CSMD3: variants seen among roughly 807,000 people sequenced by gnomAD.
CSMD3 encodes CUB and Sushi multiple domains 3, also known as CUB and sushi domain-containing protein 3.
A neutral mutation model predicts 435.2 loss-of-function variants in CSMD3; 177 were observed. The ratio of observed to expected loss-of-function variants is 0.41; its 90% confidence interval spans 0.36 to 0.46. The LOEUF (loss-of-function observed/expected upper bound fraction) is 0.46, where lower values mean the gene tolerates loss of function less well. CSMD3 is among the 20% of genes least tolerant of loss of function. The probability of loss-of-function intolerance (pLI) is 0.34; values close to 1 mark genes in which losing one functional copy is unlikely to be tolerated. For missense variants in CSMD3, 4,265 were observed against 4,504.6 expected (o/e 0.95, Z 1.52); for synonymous variants, 1,656 against 1,520.5 (o/e 1.09, Z -2.07).
chr8:112,307,503 A>T (rs541603169), intron 50 of CSMD3, among the ~76,000 whole-genome samples: 1 of 152,048 alleles, frequency 6.6e-6, no homozygotes, highest in East Asian at 1.9e-4. Context: ...GGCTGGTCTC[A>T]AACTCCTAGG....
chr8:112,917,071 A>T (rs544830025), intron 10 of CSMD3, among the ~76,000 whole-genome samples: 1 of 152,058 alleles, frequency 6.6e-6, no homozygotes, highest in East Asian at 1.9e-4. Flanking sequence ...AAAGGAATTG[A>T]ACCTCATTTA....
intron 3 of CSMD3, among the ~76,000 whole-genome samples, chr8:113,254,702 G>C (rs1336518427): frequency 6.6e-6 from 1 of 152,100 alleles, no homozygotes; most frequent in Non-Finnish European, 1.5e-5. Flanking sequence ...AGTTGTATAT[G>C]CCTAAAATGG....
intron 30 of CSMD3, among the ~76,000 whole-genome samples, chr8:112,494,296 T>G (rs1820995932): frequency 7.0e-6 from 1 of 142,322 alleles, no homozygotes; most frequent in Non-Finnish European, 1.5e-5. Flanking sequence ...TCTCTCACTT[T>G]CTTTCTTTCT....
At chr8:112,932,152 T>C (rs976599401) in intron 9 of CSMD3, among the ~76,000 whole-genome samples, 1 of 152,206 alleles carries the variant, frequency 6.6e-6, no homozygotes, top group Non-Finnish European at 1.5e-5. Flanking sequence ...CCCATGTTTA[T>C]TGCAACACTA....
rs1564168958 is a variant in CSMD3, at chr8:112,976,056, C to T, written c.1123G>A (p.Ala375Thr). The change falls in exon 7 of 71, where the codon GCA becomes ACA. Residue 375 changes from alanine to threonine, a missense_variant. Physicochemically the swap from Ala to Thr is moderately conservative, Grantham distance 58. Transcript: ENST00000297405. ...TGAIAVASTPADVTVSSVTAV... is the reference protein window; with the variant it reads ...TGAIAVASTPTDVTVSSVTAV... The stretch of plus-strand genomic sequence containing the variant: ...GTAACACTGGATACAGTAACATCTG[C>T]AGGTGTGCTAGCAACAGCAATAGCA... The T allele has an allele frequency of 6.2e-7, 1 of 1,614,038 alleles. No individual in the cohort carries two copies. The highest frequency in any genetic ancestry group is 2.2e-5 in the East Asian group (1 of 44,870).
intron 17 of CSMD3, among the ~76,000 whole-genome samples, chr8:112,662,435 T>G (rs1176365474): frequency 6.6e-6 from 1 of 152,082 alleles, no homozygotes; most frequent in Non-Finnish European, 1.5e-5. Context: ...GGATTCCCTA[T>G]TTAATAAATG....
intron 4 of CSMD3, among the ~76,000 whole-genome samples, chr8:113,131,955 A>C (rs1307705560): frequency 1.3e-5 from 2 of 152,144 alleles, no homozygotes; most frequent in South Asian, 2.1e-4. Flanking sequence ...TTGCCTCAGC[A>C]TGCCCTGGAT....
chr8:112,846,515 A>T (rs1169333713), intron 11 of CSMD3, among the ~76,000 whole-genome samples: 1 of 151,494 alleles, frequency 6.6e-6, no homozygotes, highest in East Asian at 1.9e-4. Context: ...TGATCCTTCC[A>T]CCCCAGCCTC....
intron 1 of CSMD3, among the ~76,000 whole-genome samples, chr8:113,322,635 A>G (rs2093956835): frequency 6.6e-6 from 1 of 152,206 alleles, no homozygotes; most frequent in Non-Finnish European, 1.5e-5. Flanking sequence ...AACTGCTAAA[A>G]TTTTGATTGG....
At position 112,506,826 on chromosome 8, in the gene CSMD3, G is replaced by C. The variant is rs1316312638; in HGVS notation, c.4760C>G (p.Pro1587Arg). Residue 1587 changes from proline to arginine, a missense_variant, in exon 29 of 71, where the codon CCC (proline) becomes CGC (arginine). Transcript: ENST00000297405. ...AGATCCTGTTAAATTGCCTCCACAG[G>C]GTGCTTTAATTTAAACAAACAAATA... is the stretch of plus-strand genomic sequence containing the variant. ...WQPSPPVCIA[P>R]CGGNLTGSSG... The C allele has an allele frequency of 1.2e-6, 2 of 1,611,854 alleles. No homozygotes were observed. The highest frequency in any genetic ancestry group is 1.1e-5 in the South Asian group (1 of 90,992).
intron 52 of CSMD3, among the ~76,000 whole-genome samples, chr8:112,303,431 G>A (rs1420137731): frequency 5.9e-5 from 9 of 151,976 alleles, no homozygotes; most frequent in African/African-American, 2.2e-4. Flanking sequence ...GTGGTGGCAG[G>A]CACCTGCAAT....
intron 17 of CSMD3, 34 bp downstream of exon 17, chr8:112,666,242 AT>A: frequency 6.7e-7 from 1 of 1,495,248 alleles, no homozygotes; most frequent in Non-Finnish European, 9.3e-7. Flanking sequence ...TTTAGATAAT[AT>A]TTTCTTTAAA....
At chr8:112,444,910 A>C (rs1437374270) in intron 32 of CSMD3, among the ~76,000 whole-genome samples, 1 of 152,142 alleles carries the variant, frequency 6.6e-6, no homozygotes, top group Non-Finnish European at 1.5e-5. Context: ...AGAAGCTTAA[A>C]ATAGTAAGAT....
Position 112,810,406 on chromosome 8 carries a change from A to T in CSMD3, c.1860-10132T>A, listed in dbSNP as rs559725608. Among the ~76,000 whole-genome samples, 7 of 152,194 alleles carry T rather than the reference A, an allele frequency of 4.6e-5. No homozygotes were observed. The East Asian group carries it at 1.2e-3, about 25-fold the overall frequency. On this transcript the variant is annotated intron_variant, in intron 12 of 70. Coordinates refer to ENST00000297405, the MANE Select transcript of CSMD3 (RefSeq NM_198123.2). ...CAGACAAATCTGACGTTTATAGGTA[A>T]GACTGCAAATGATAAGTCTAATATA...
chr8:113,291,821 A>G (rs77691005), intron 2 of CSMD3, among the ~76,000 whole-genome samples: 287 of 152,084 alleles, frequency 1.9e-3, no homozygotes, highest in South Asian at 9.7e-3. Flanking sequence ...AAACTAAAGG[A>G]AGTAAAATAA....
intron 7 of CSMD3, among the ~76,000 whole-genome samples, chr8:112,975,005 TC>T (rs2084793599): frequency 6.6e-6 from 1 of 151,936 alleles, no homozygotes; most frequent in Non-Finnish European, 1.5e-5. Context: ...GATACATATA[TC>T]GATATAAATA....
intron 32 of CSMD3, among the ~76,000 whole-genome samples, chr8:112,439,416 G>A (rs1814735057): frequency 6.6e-6 from 1 of 152,084 alleles, no homozygotes; most frequent in Non-Finnish European, 1.5e-5. Flanking sequence ...TGGGATTATA[G>A]GTGTGAGCCA....
chr8:112,343,813 G>A (rs56298658), intron 41 of CSMD3, among the ~76,000 whole-genome samples: 28,361 of 151,434 alleles, frequency 0.19, 3,120 homozygotes, highest in Middle Eastern at 0.35. Flanking sequence ...TGTGTGGCTA[G>A]TTTTTTTTTA....
chr8:113,249,361 C>A (rs746751381), intron 3 of CSMD3, among the ~76,000 whole-genome samples: 55 of 151,952 alleles, frequency 3.6e-4, no homozygotes, highest in Middle Eastern at 3.2e-3. Context: ...AGTGGATATT[C>A]GGCATGGAAA....
Sources: allele counts gnomAD v4.1 joint callset (sites outside exome capture counted in the v4.1 genomes callset), GRCh38; gene constraint gnomAD v4.1.1; transcripts MANE v1.5; gene names NCBI Gene and HGNC (gene_info 2026-07-23, HGNC 2026-07-21).